The following PCDH15 variants were observed in gnomAD, a reference collection of about 807,000 sequenced individuals.
PCDH15 encodes protocadherin-15.
PCDH15 carries 129 observed loss-of-function variants against 178.5 expected under a neutral mutation model. That is an observed-to-expected ratio of 0.72 (90% CI 0.63 to 0.84). PCDH15 has a LOEUF of 0.84. Among genes scored for constraint, PCDH15 ranks in the 40% least tolerant of loss-of-function variants. The pLI is 0.00. For synonymous variants in PCDH15, 800 were observed against 732.0 expected (o/e 1.09, Z -1.50); for missense variants, 2,230 against 2,099.9 (o/e 1.06, Z -1.21).
intron 2 of PCDH15, among the ~76,000 whole-genome samples, chr10:55,395,188 TGTGTGTGTGAGAGA>T (rs1211413092): frequency 6.7e-5 from 6 of 89,972 alleles, no homozygotes; most frequent in African/African-American, 3.0e-4. Flanking sequence ...TGTGTGTGTG[TGTGTGTGTGAGAGA>T]GAGAGAGAGA....
In PCDH15 at chr10:54,527,797, A is replaced by T; in HGVS notation, c.157+15T>A. On this transcript the variant is annotated intron_variant, in intron 3 of 37. Transcript: ENST00000644397. ...CTCTTAGATAAGACATTTGTAAAATAAAAAACTCACTTACCATTCCGACTT... is the reference window on the plus strand; with the variant it reads ...CTCTTAGATAAGACATTTGTAAAATTAAAAACTCACTTACCATTCCGACTT... The T allele has an allele frequency of 6.3e-7, 1 of 1,589,104 alleles. No individual in the cohort carries two copies. Among genetic ancestry groups the T allele is most frequent in the Non-Finnish European group, 8.6e-7 (1 of 1,159,750 alleles).
chr10:54,331,038 T>TG lies in PCDH15; in HGVS notation c.595-1333dup, dbSNP rs1939430744. On this transcript the variant is annotated intron_variant, in intron 6 of 37. Transcript: ENST00000644397. ...GAGAAGAGAAAGGGAAGGGGAAGTG[T>TG]GGAAGAAGAAAAAAACTGTGTATGT... Among the ~76,000 whole-genome samples, 2 of 150,994 alleles carry TG rather than the reference T, an allele frequency of 1.3e-5. 1 individual carries two copies. The highest frequency in any genetic ancestry group is 4.2e-4 in the South Asian group (2 of 4,792).
intron 2 of PCDH15, among the ~76,000 whole-genome samples, chr10:55,623,042 C>G (rs1235965810): frequency 2.6e-5 from 4 of 152,168 alleles, no homozygotes; most frequent in African/African-American, 9.7e-5. Context: ...TCCATATTTT[C>G]AAACATGTTC....
intron 2 of PCDH15, among the ~76,000 whole-genome samples, chr10:54,559,149 G>A (rs1330267932): frequency 1.3e-5 from 2 of 151,996 alleles, no homozygotes; most frequent in East Asian, 1.9e-4. Flanking sequence ...TGTATGCTAT[G>A]TGAGAATTAC....
intron 3 of PCDH15, among the ~76,000 whole-genome samples, chr10:54,386,363 G>A (rs1949935576): frequency 6.6e-6 from 1 of 152,052 alleles, no homozygotes; most frequent in South Asian, 2.1e-4. Flanking sequence ...GCTGCATGTG[G>A]CCTGCGGATC....
chr10:54,643,883 A>G (rs2094055704), intron 2 of PCDH15, among the ~76,000 whole-genome samples: 3 of 149,092 alleles, frequency 2.0e-5, no homozygotes, highest in Admixed American at 1.3e-4. Flanking sequence ...TTAGTTACAT[A>G]TGTATACATG....
At chr10:54,085,995 T>G (rs544298677) in intron 16 of PCDH15, among the ~76,000 whole-genome samples, 1 of 152,268 alleles carries the variant, frequency 6.6e-6, no homozygotes, top group South Asian at 2.1e-4. Flanking sequence ...AAATAGCATA[T>G]ATTGAAGTGT....
At chr10:55,165,717 C>T (rs1839178775) in intron 2 of PCDH15, among the ~76,000 whole-genome samples, 1 of 151,844 alleles carries the variant, frequency 6.6e-6, no homozygotes, top group Non-Finnish European at 1.5e-5. Flanking sequence ...GTATGATAAG[C>T]AGTCATGTGT....
At chr10:54,472,473 G>C (rs2077983057) in intron 3 of PCDH15, among the ~76,000 whole-genome samples, 1 of 152,048 alleles carries the variant, frequency 6.6e-6, no homozygotes, top group Non-Finnish European at 1.5e-5. Context: ...TCAGGCACTA[G>C]CCAAAAGCCA....
At chr10:54,400,678 A>G (rs974066579) in intron 3 of PCDH15, among the ~76,000 whole-genome samples, 2 of 152,110 alleles carry the variant, frequency 1.3e-5, no homozygotes, top group African/African-American at 4.8e-5. Flanking sequence ...TTGCACAGTG[A>G]CAGTTAATCG....
chr10:55,244,832 T>C (rs1335651871), intron 1 of PCDH15, among the ~76,000 whole-genome samples: 1 of 151,586 alleles, frequency 6.6e-6, no homozygotes, highest in Non-Finnish European at 1.5e-5. Context: ...AGCCATTTCA[T>C]TGAAAAAGTC....
chr10:55,030,732 A>T (rs1029253371), intron 2 of PCDH15, among the ~76,000 whole-genome samples: 5 of 152,196 alleles, frequency 3.3e-5, no homozygotes, highest in Admixed American at 6.5e-5. Context: ...CAATAAAGAA[A>T]CATTCTGTGA....
At chr10:55,415,274 G>A (rs1391951882) in intron 2 of PCDH15, among the ~76,000 whole-genome samples, 2 of 151,542 alleles carry the variant, frequency 1.3e-5, no homozygotes, top group Non-Finnish European at 3.0e-5. Context: ...GTTGCAATAT[G>A]TTCTTTATAT....
chr10:54,709,017 T>A (rs183023252), intron 1 of PCDH15, among the ~76,000 whole-genome samples: 2 of 152,222 alleles, frequency 1.3e-5, no homozygotes, highest in Admixed American at 6.5e-5. Context: ...AGTGCCTTAG[T>A]TTTAGGGAAG....
At chr10:54,285,952 A>G (rs1238183664) in intron 8 of PCDH15, among the ~76,000 whole-genome samples, 1 of 152,238 alleles carries the variant, frequency 6.6e-6, no homozygotes, top group Non-Finnish European at 1.5e-5. Context: ...CCAGGCACAG[A>G]AAGACAAATA....
At chr10:55,551,577 A>T (rs1466235816) in intron 2 of PCDH15, among the ~76,000 whole-genome samples, 1 of 151,850 alleles carries the variant, frequency 6.6e-6, no homozygotes, top group Non-Finnish European at 1.5e-5. Flanking sequence ...TTCCCAAAAA[A>T]GTTGGCAATA....
intron 11 of PCDH15, among the ~76,000 whole-genome samples, chr10:54,191,064 T>A (rs919626322): frequency 1.3e-5 from 2 of 152,178 alleles, no homozygotes; most frequent in Non-Finnish European, 2.9e-5. Context: ...TGCAACATCA[T>A]TAGCATCTTT....
chr10:55,269,764 CAGTT>C (rs1842392247), intron 1 of PCDH15, among the ~76,000 whole-genome samples: 1 of 151,770 alleles, frequency 6.6e-6, no homozygotes, highest in African/African-American at 2.4e-5. Context: ...TCATTTTTCA[CAGTT>C]AGAAAAAAAA....
Position 55,617,946 on chromosome 10 carries a change from A to T in PCDH15, c.-156+9679T>A, listed in dbSNP as rs560347435. ...AGACTGAAGGACACTGCTTTGTTTT[A>T]AAAAAATGAAGAAAGAAAGGCATGT... is the stretch of plus-strand genomic sequence containing the variant. On this transcript the variant is annotated intron_variant, in intron 2 of 5. Coordinates refer to the PCDH15 transcript ENST00000613346. Among the ~76,000 whole-genome samples, 114 of 152,066 alleles carry T rather than the reference A, an allele frequency of 7.5e-4. 1 individual carries two copies. The highest frequency in any genetic ancestry group is 2.7e-3 in the African/African-American group (111 of 41,522).
Sources: allele counts gnomAD v4.1 joint callset (sites outside exome capture counted in the v4.1 genomes callset), GRCh38; gene constraint gnomAD v4.1.1; transcripts MANE v1.5; gene names NCBI Gene and HGNC (gene_info 2026-07-23, HGNC 2026-07-21).